Variants in ZNF581 observed in about 807,000 individuals in gnomAD.
ZNF581 encodes the protein zinc finger protein 581.
In ZNF581, 1 loss-of-function variant was observed where a neutral mutation model predicts 1.2. The ratio of observed to expected loss-of-function variants is 0.83; its 90% CI spans 0.30 to 3.95. The LOEUF (loss-of-function observed/expected upper bound fraction) is 3.95, where lower values mean the gene tolerates loss of function less well. Ranked by LOEUF, ZNF581 falls within the 30% of genes most tolerant of loss-of-function variation. The pLI, the probability that ZNF581 is intolerant of heterozygous loss-of-function variation, is 0.18. For synonymous variants in ZNF581, 105 were observed against 109.2 expected, an observed-to-expected ratio of 0.96 and a Z score of 0.24; for missense variants, 273 against 274.6, an observed-to-expected ratio of 0.99 and a Z score of 0.04.
chr19:55,639,650 T>G (rs1982320569), upstream of ZNF581, among the ~76,000 whole-genome samples: 1 of 152,136 alleles, frequency 6.6e-6, no homozygotes, highest in South Asian at 2.1e-4. Flanking sequence ...ACAGTCTCCC[T>G]CTGTTGCCCA....
chr19:55,644,115 T>A lies in ZNF581; in HGVS notation c.-20+341T>A, dbSNP rs1039217483. The stretch of plus-strand genomic sequence containing the variant: ...GGGGGTCCTAACGTCGGAGCCCCTG[T>A]GAATAGGCTTGGCTTGTATGGAGGG... On this transcript the variant is annotated intron_variant, in intron 1 of 1. Transcript: ENST00000270451. This position sits in a 1 kb window ranked among gnomAD's most constrained non-coding sequence, Gnocchi z 4.3. Among the ~76,000 whole-genome samples the A allele has an allele frequency of 6.6e-6, 1 of 151,338 alleles. No individual in the cohort carries two copies. Among genetic ancestry groups the A allele is most frequent in the Admixed American group, 6.6e-5 (1 of 15,208 alleles).
chr19:55,645,277 CAG>C lies in ZNF581; in HGVS notation c.*115_*116del, dbSNP rs1982785497. Reference sequence around the variant, plus strand: ...GTGTTCAGGGCCCTGGACACAGACACAGAGCAGCCGCATCTCAAAGGCAGAGC... The same window carrying C: ...GTGTTCAGGGCCCTGGACACAGACACAGCAGCCGCATCTCAAAGGCAGAGC... On this transcript the variant is annotated 3_prime_UTR_variant, in exon 2 of 2. Coordinates refer to ENST00000270451, the MANE Select transcript of ZNF581 (RefSeq NM_016535.4). The C allele has an allele frequency of 1.1e-6, 1 of 933,390 alleles. No individual in the cohort carries two copies. The highest frequency in any genetic ancestry group is 2.8e-5 in the East Asian group (1 of 35,888). The allele number at this position is 933,390 out of a possible 1,614,324, so 57.8% of individuals were successfully genotyped here.
chr19:55,640,502 G>A (rs1341412492), upstream of ZNF581: 1 of 985,352 alleles, frequency 1.0e-6, no homozygotes, highest in Non-Finnish European at 1.2e-6. Flanking sequence ...TGTGGGCCTC[G>A]GTTCCCGCAT....
Position 55,644,045 on chromosome 19 carries a change from G to A in ZNF581, c.-20+271G>A, listed in dbSNP as rs941203106. On this transcript the variant is annotated intron_variant, in intron 1 of 1. Coordinates refer to ENST00000270451, the MANE Select transcript of ZNF581 (RefSeq NM_016535.4). The surrounding 1 kb of genome is among the most constrained non-coding windows in gnomAD (Gnocchi z 4.3). ...ACCTGAGGTGGGTGGACGGGTGGGA[G>A]CACGGAGTTGTTCAGACACGTGGCT... is the stretch of plus-strand genomic sequence containing the variant. 4.5e-4 allele frequency among the ~76,000 whole-genome samples: 69 copies of A among 152,364 alleles called. No individual in the cohort carries two copies. Among genetic ancestry groups the A allele is most frequent in the African/African-American group, 1.6e-3 (66 of 41,588 alleles).
upstream of ZNF581, chr19:55,640,910 C>T (rs1016069317): frequency 3.7e-4 from 368 of 985,304 alleles, no homozygotes; most frequent in Middle Eastern, 1.6e-3. Flanking sequence ...CTCCGGTCCC[C>T]TCCCCGCAGG....
In ZNF581 at chr19:55,644,795, CA is replaced by C. The variant is rs754821673; in HGVS notation, c.225del (p.Ala77ProfsTer36). 6.2e-7 allele frequency: 1 copy of C among 1,613,230 alleles called. No homozygotes were observed. The highest frequency in any genetic ancestry group is 8.5e-7 in the Non-Finnish European group (1 of 1,179,280). ...VLVDEESQRE[P>X]GASGAPGQKK... Reference sequence around the variant, plus strand: ...GTGGACGAGGAGTCACAGAGGGAGCCAGGGGCCAGTGGGGCTCCAGGCCAGA... The same window carrying C: ...GTGGACGAGGAGTCACAGAGGGAGCCGGGGCCAGTGGGGCTCCAGGCCAGA... On this transcript the variant is annotated frameshift_variant, in exon 2 of 2. Transcript: ENST00000270451. LOFTEE classifies it low-confidence loss of function (END_TRUNC). This position sits in a 1 kb window ranked among gnomAD's most constrained non-coding sequence, Gnocchi z 4.3.
chr19:55,639,015 A>AAG (rs1555780761), upstream of ZNF581, among the ~76,000 whole-genome samples: 1 of 150,764 alleles, frequency 6.6e-6, no homozygotes, highest in Non-Finnish European at 1.5e-5. Context: ...CCAAAAAAAA[A>AAG]AAAAAAAAAG....
At chr19:55,642,907 C>G, upstream of ZNF581, 3 of 1,535,568 alleles carry the variant, frequency 2.0e-6, no homozygotes, top group Non-Finnish European at 1.7e-6. Flanking sequence ...AGCGCTCCAG[C>G]CACCTGTCGC....
At chr19:55,642,062 C>G, upstream of ZNF581, 1 of 986,894 alleles carries the variant, frequency 1.0e-6, no homozygotes, top group Non-Finnish European at 1.2e-6. Context: ...GTAAACTGAA[C>G]TGGGGCTGGG....
upstream of ZNF581, among the ~76,000 whole-genome samples, chr19:55,638,114 G>A (rs1982203223): frequency 6.6e-6 from 1 of 152,186 alleles, no homozygotes; most frequent in Admixed American, 6.5e-5. Flanking sequence ...AGGACGTGTG[G>A]TCCTGGCAGC....
upstream of ZNF581, chr19:55,642,276 TG>T (rs1982550765): frequency 3.2e-6 from 4 of 1,241,816 alleles, no homozygotes; most frequent in African/African-American, 6.2e-5. Context: ...GAGTGGCAGG[TG>T]GTGGCGGGGT....
upstream of ZNF581, chr19:55,642,766 C>T (rs1600047176): frequency 1.9e-6 from 3 of 1,544,592 alleles, no homozygotes; most frequent in Middle Eastern, 2.1e-4. Context: ...CAGGAGAGCC[C>T]GGCCCTCGCA....
upstream of ZNF581, chr19:55,641,022 C>T: frequency 1.0e-6 from 1 of 985,346 alleles, no homozygotes; most frequent in African/African-American, 1.7e-5. Flanking sequence ...AGGGACTCCG[C>T]CAACCCCTCG....
At chr19:55,640,181 G>T (rs2123623311), upstream of ZNF581, 3 of 985,464 alleles carry the variant, frequency 3.0e-6, no homozygotes, top group East Asian at 1.1e-4. Flanking sequence ...GCGCCACGTG[G>T]CTGGAGGAGG....
At chr19:55,642,735 C>T (rs1982599324), upstream of ZNF581, 2 of 1,515,788 alleles carry the variant, frequency 1.3e-6, no homozygotes, top group Non-Finnish European at 1.8e-6. Context: ...CCCCGGGGCC[C>T]GCCCCAGCGC....
In ZNF581 at chr19:55,644,506, G is replaced by A; in HGVS notation, c.-19-47G>A. 1 of 1,246,566 alleles carries A rather than the reference G, an allele frequency of 8.0e-7. No individual in the cohort carries two copies. The highest frequency in any genetic ancestry group is 1.1e-6 in the Non-Finnish European group (1 of 910,110). 77.2% of individuals were successfully genotyped at this position (1,246,566 alleles called of 1,614,324 possible). On this transcript the variant is annotated intron_variant, in intron 1 of 1. Transcript: ENST00000270451. This position sits in a 1 kb window ranked among gnomAD's most constrained non-coding sequence, Gnocchi z 4.3. ...AAAAGGATGGAGCCTGTGGTGCTGA[G>A]CTGCCCTCTTCTATATAACCTTCTT...
chr19:55,641,088 G>C (rs1982434114), upstream of ZNF581: 15 of 985,112 alleles, frequency 1.5e-5, no homozygotes, highest in African/African-American at 1.7e-5. Flanking sequence ...GAGCTGCCCG[G>C]AAGTCTCGGT....
At position 55,644,661 on chromosome 19, in the gene ZNF581, C is replaced by G. The variant is rs534202546; in HGVS notation, c.90C>G (p.Ser30=). Residue 30 remains serine, a synonymous_variant, in exon 2 of 2, where the codon TCC becomes TCG. Coordinates refer to ENST00000270451, the MANE Select transcript of ZNF581 (RefSeq NM_016535.4). The surrounding 1 kb of genome is among the most constrained non-coding windows in gnomAD (Gnocchi z 4.3). ...MEGPPRRTCR[S]PEPGPSSSIG... The stretch of plus-strand genomic sequence containing the variant: ...GCCCTCCCCGTCGGACTTGCCGCTC[C>G]CCAGAACCTGGACCTTCCTCCTCCA... 1.1e-4 allele frequency: 181 copies of G among 1,612,412 alleles called. No individual in the cohort carries two copies. The South Asian group carries it at 1.9e-3, about 17-fold the overall frequency.
upstream of ZNF581, among the ~76,000 whole-genome samples, chr19:55,639,023 AAG>A (rs1491069738): frequency 6.6e-5 from 10 of 150,800 alleles, no homozygotes; most frequent in Non-Finnish European, 3.0e-5. Context: ...AAAAAAAAAA[AAG>A]AAAAAAAAAA....
Sources: allele counts gnomAD v4.1 joint callset (sites outside exome capture counted in the v4.1 genomes callset), GRCh38; gene constraint gnomAD v4.1.1; non-coding constraint Gnocchi (gnomAD v3.1); transcripts MANE v1.5; gene names NCBI Gene and HGNC (gene_info 2026-07-23, HGNC 2026-07-21).